The following GPR19 variants were observed in gnomAD, a reference collection of about 807,000 sequenced individuals.
GPR19 encodes probable G protein-coupled receptor 19.
A neutral mutation model predicts 28.5 loss-of-function variants in GPR19; 14 were observed. The ratio of observed to expected loss-of-function variants is 0.49; its 90% CI spans 0.32 to 0.77. GPR19 has a LOEUF of 0.77. Among genes scored for constraint, GPR19 ranks in the 30% least tolerant of loss-of-function variants. The pLI, the probability that GPR19 is intolerant of heterozygous loss-of-function variation, is 0.03. For missense variants in GPR19, 409 were observed against 504.1 expected (o/e 0.81, Z 1.81); for synonymous variants, 173 against 184.1 (o/e 0.94, Z 0.49).
the GPR19 span, among the ~76,000 whole-genome samples, chr12:12,703,759 G>A: frequency 6.6e-6 from 1 of 152,108 alleles, no homozygotes; most frequent in Non-Finnish European, 1.5e-5. Context: ...TTTTCTCTTG[G>A]AAGGGGCTAT....
chr12:12,681,866 CCAGGAAAATCTTCTTCATT>C (rs1207416135), intron 3 of GPR19, among the ~76,000 whole-genome samples: 1 of 152,132 alleles, frequency 6.6e-6, no homozygotes, highest in Non-Finnish European at 1.5e-5. Flanking sequence ...TCAAAATGCC[CCAGGAAAATCTTCTTCATT>C]CAGGACAATC....
intron 2 of GPR19, among the ~76,000 whole-genome samples, chr12:12,687,602 T>C (rs1946115273): frequency 6.6e-6 from 1 of 152,224 alleles, no homozygotes; most frequent in Non-Finnish European, 1.5e-5. Context: ...CTGCGTTGTC[T>C]GAATTTAAAA....
the GPR19 span, chr12:12,716,613 G>T: frequency 7.8e-4 from 176 of 224,982 alleles, 1 homozygote; most frequent in Admixed American, 1.2e-3. Flanking sequence ...AGAGTTTTTT[G>T]TTTTTTTTTT....
At chr12:12,705,165 G>T in the GPR19 span, among the ~76,000 whole-genome samples, 1 of 146,820 alleles carries the variant, frequency 6.8e-6, no homozygotes, top group Non-Finnish European at 1.5e-5. Flanking sequence ...CCAGGCTGGA[G>T]TGCAGTGGTG....
Position 12,660,960 on chromosome 12 carries a change from A to G in GPR19, c.*241T>C, listed in dbSNP as rs981303607. ...TAAGAAAGCATTTTCTTTTTTATGC[A>G]TGTAACTAATATATTAATAGTAAAA... On this transcript the variant is annotated 3_prime_UTR_variant, in exon 4 of 4. Transcript: ENST00000651487. 2.6e-6 allele frequency: 1 copy of G among 386,378 alleles called. No individual in the cohort carries two copies. The allele number at this position is 386,378 out of a possible 1,614,324, so 23.9% of individuals were successfully genotyped here. A position where few individuals can be genotyped will look rare whatever the true frequency, so the allele number is the denominator to read the frequency against.
the GPR19 span, among the ~76,000 whole-genome samples, chr12:12,707,989 CTTTT>C: frequency 0.013 from 833 of 62,132 alleles, 2 homozygotes; most frequent in African/African-American, 0.045. Context: ...ATTTCCTATT[CTTTT>C]TTTTTTTTTT....
intron 3 of GPR19, among the ~76,000 whole-genome samples, chr12:12,675,675 C>T (rs1015716623): frequency 3.3e-5 from 5 of 152,080 alleles, no homozygotes; most frequent in Non-Finnish European, 5.9e-5. Flanking sequence ...CTCTGAGATG[C>T]AGGGGCCCAC....
At chr12:12,715,883 G>A in the GPR19 span, 1 of 152,200 alleles carries the variant, frequency 6.6e-6, no homozygotes, top group African/African-American at 2.4e-5. Flanking sequence ...TATGAGATGA[G>A]GTAGGCACAC....
chr12:12,707,552 G>A, the GPR19 span, among the ~76,000 whole-genome samples: 1 of 152,206 alleles, frequency 6.6e-6, no homozygotes, highest in Non-Finnish European at 1.5e-5. Context: ...AGAACAGCAA[G>A]TGGGTAGGTT....
chr12:12,698,705 G>A (rs1946295839), upstream of GPR19, among the ~76,000 whole-genome samples: 1 of 151,894 alleles, frequency 6.6e-6, no homozygotes, highest in East Asian at 1.9e-4. Context: ...CCACCTCCCG[G>A]GTTCAAGCGA....
the GPR19 span, among the ~76,000 whole-genome samples, chr12:12,703,794 C>T: frequency 1.3e-5 from 2 of 152,140 alleles, no homozygotes; most frequent in South Asian, 2.1e-4. Context: ...GCATGACTGC[C>T]ATGTCTAGGA....
the GPR19 span, among the ~76,000 whole-genome samples, chr12:12,702,764 A>C: frequency 6.6e-6 from 1 of 152,246 alleles, no homozygotes; most frequent in African/African-American, 2.4e-5. Context: ...TAATGGTCAT[A>C]ATGAACTTAT....
chr12:12,674,920 A>C (rs1945908341), intron 3 of GPR19, among the ~76,000 whole-genome samples: 1 of 152,210 alleles, frequency 6.6e-6, no homozygotes, highest in African/African-American at 2.4e-5. Context: ...ATGAAAGAAG[A>C]GTAGGCTGCT....
chr12:12,717,097 C>A, the GPR19 span: 5 of 1,011,538 alleles, frequency 4.9e-6, no homozygotes, highest in Non-Finnish European at 4.7e-6. Flanking sequence ...AGGTTCCCGG[C>A]CGTTTGGCTA....
chr12:12,706,731 A>G, the GPR19 span, among the ~76,000 whole-genome samples: 1 of 152,136 alleles, frequency 6.6e-6, no homozygotes, highest in Non-Finnish European at 1.5e-5. Context: ...CCATTTCCAA[A>G]TCTTCAGCAA....
chr12:12,664,933 A>AT (rs1945743463), intron 3 of GPR19, among the ~76,000 whole-genome samples: 2 of 147,088 alleles, frequency 1.4e-5, no homozygotes, highest in African/African-American at 4.9e-5. Context: ...AAAAAAAAAA[A>AT]AAAAAAAAAA....
intron 3 of GPR19, among the ~76,000 whole-genome samples, chr12:12,678,963 AT>A: frequency 6.6e-6 from 1 of 151,998 alleles, no homozygotes; most frequent in African/African-American, 2.4e-5. Flanking sequence ...CGCCCAGCTA[AT>A]TTTTGTATTT....
the GPR19 span, chr12:12,716,629 C>A: frequency 5.5e-5 from 18 of 327,046 alleles, no homozygotes; most frequent in South Asian, 3.7e-4. Context: ...TTTTTTTAAT[C>A]TTGAGTTCCT....
At chr12:12,666,258 G>A (rs2136320010) in intron 3 of GPR19, among the ~76,000 whole-genome samples, 1 of 152,298 alleles carries the variant, frequency 6.6e-6, no homozygotes, top group East Asian at 1.9e-4. Context: ...GTTACAATGA[G>A]AGGTTATATT....
Sources: gnomAD v4.1 joint callset for allele counts (sites outside exome capture counted in the v4.1 genomes callset) on GRCh38, gnomAD v4.1.1 for gene constraint, MANE v1.5 for transcripts, NCBI Gene and HGNC (gene_info 2026-07-23, HGNC 2026-07-21) for gene names.